CDC42BPA: variants seen among roughly 807,000 people sequenced by gnomAD.
The protein encoded by CDC42BPA is CDC42 binding protein kinase alpha, also known as serine/threonine-protein kinase MRCK alpha.
CDC42BPA carries 80 observed loss-of-function variants against 223.5 expected under a neutral mutation model. The observed-to-expected ratio is 0.36, with a 90% CI of 0.30 to 0.43. The LOEUF (loss-of-function observed/expected upper bound fraction) is 0.43. CDC42BPA is among the 20% of genes least tolerant of loss of function. CDC42BPA has a pLI of 1.00. For synonymous variants in CDC42BPA, 694 were observed against 718.6 expected (o/e 0.97, Z 0.55); for missense variants, 1,743 against 2,099.9 (o/e 0.83, Z 3.32).
At chr1:227,107,107 G>T (rs555315807) in intron 14 of CDC42BPA, among the ~76,000 whole-genome samples, 1 of 152,062 alleles carries the variant, frequency 6.6e-6, no homozygotes, top group East Asian at 1.9e-4. Context: ...ATTTTGATAG[G>T]GACTGAATTG....
intron 30 of CDC42BPA, among the ~76,000 whole-genome samples, chr1:227,027,815 T>C (rs752101352): frequency 3.9e-5 from 6 of 152,196 alleles, no homozygotes; most frequent in Non-Finnish European, 8.8e-5. Context: ...AAGTATTCTA[T>C]AATTAAAAGT....
intron 32 of CDC42BPA, 101 bp downstream of exon 32, chr1:227,023,162 A>C: frequency 1.6e-6 from 1 of 624,512 alleles, no homozygotes; most frequent in Non-Finnish European, 2.8e-6. Context: ...CCTGTGTTGA[A>C]ATCTGGACTC....
chr1:227,055,303 T>C (rs1024717512), intron 21 of CDC42BPA, among the ~76,000 whole-genome samples: 1 of 152,114 alleles, frequency 6.6e-6, no homozygotes, highest in African/African-American at 2.4e-5. Flanking sequence ...AAATCACTTA[T>C]TTTCTTTATT....
At position 226,993,026 on chromosome 1, in the gene CDC42BPA, T is replaced by A. The variant is rs1452657625; in HGVS notation, c.*1242A>T. 1 of 152,200 alleles carries A rather than the reference T, an allele frequency of 6.6e-6. No homozygotes were observed. Among genetic ancestry groups the A allele is most frequent in the African/African-American group, 2.4e-5 (1 of 41,452 alleles). 9.4% of individuals were successfully genotyped at this position (152,200 alleles called of 1,614,324 possible). ...TGTTGAAGCCCTTGCTTTTGAGGTT[T>A]TACATTATTTGGTAATGAAAGCCGT... On this transcript the variant is annotated 3_prime_UTR_variant, in exon 37 of 37. Coordinates refer to ENST00000366766, the MANE Select transcript of CDC42BPA (RefSeq NM_001394014.1).
chr1:227,273,149 T>G (rs1024840702), intron 1 of CDC42BPA, among the ~76,000 whole-genome samples: 1 of 151,882 alleles, frequency 6.6e-6, no homozygotes, highest in Admixed American at 6.6e-5. Context: ...AATACAAAAA[T>G]TAGCCAGGCA....
intron 1 of CDC42BPA, among the ~76,000 whole-genome samples, chr1:227,268,608 T>C (rs1403408333): frequency 7.4e-6 from 1 of 135,586 alleles, no homozygotes; most frequent in Non-Finnish European, 1.6e-5. Flanking sequence ...AGTGTGTGTA[T>C]AGTGTGTGTA....
At chr1:227,242,834 A>G (rs910105592) in intron 2 of CDC42BPA, among the ~76,000 whole-genome samples, 1 of 152,220 alleles carries the variant, frequency 6.6e-6, no homozygotes, top group Non-Finnish European at 1.5e-5. Flanking sequence ...TATATACCCA[A>G]AGGAATATAA....
rs56254464 is a variant in CDC42BPA, at chr1:227,036,421, C to CTT, written c.3200-816_3200-815dup. Among the ~76,000 whole-genome samples the CTT allele has an allele frequency of 6.1e-3, 436 of 71,146 alleles. 1 individual carries two copies. Among genetic ancestry groups the CTT allele is most frequent in the Non-Finnish European group, 7.0e-3 (274 of 39,192 alleles). 46.7% of individuals were successfully genotyped at this position (71,146 alleles called of 152,430 possible). Reference sequence around the variant, plus strand: ...AGTCATCACACACAACTTCAATTCACTTTTTTTTTTTTTTTTTTTTTTTTT... The same window carrying CTT: ...AGTCATCACACACAACTTCAATTCACTTTTTTTTTTTTTTTTTTTTTTTTTTT... On this transcript the variant is annotated intron_variant, in intron 24 of 36. Transcript: ENST00000366766.
chr1:227,224,235 C>CT (rs113833866), intron 2 of CDC42BPA, among the ~76,000 whole-genome samples: 1,776 of 141,852 alleles, frequency 0.013, 14 homozygotes, highest in Non-Finnish European at 0.018. Context: ...ATGTTTCTTC[C>CT]TTTTTTTTTT....
intron 17 of CDC42BPA, among the ~76,000 whole-genome samples, chr1:227,078,263 A>G (rs778169016): frequency 5.3e-5 from 8 of 152,134 alleles, no homozygotes; most frequent in African/African-American, 7.2e-5. Flanking sequence ...TCTCAACACT[A>G]CATTCTTATT....
chr1:227,186,829 G>A (rs1208816314), intron 5 of CDC42BPA, among the ~76,000 whole-genome samples: 1 of 152,144 alleles, frequency 6.6e-6, no homozygotes, highest in Non-Finnish European at 1.5e-5. Context: ...AAACCCAGGG[G>A]CAATTGTTTG....
At chr1:227,131,997 TA>T (rs1444388220) in intron 10 of CDC42BPA, among the ~76,000 whole-genome samples, 1 of 152,192 alleles carries the variant, frequency 6.6e-6, no homozygotes, top group Non-Finnish European at 1.5e-5. Context: ...AGGAGACTGC[TA>T]CAAGCATTTA....
intron 1 of CDC42BPA, among the ~76,000 whole-genome samples, chr1:227,285,286 T>C (rs933655896): frequency 7.2e-5 from 11 of 152,254 alleles, no homozygotes; most frequent in Non-Finnish European, 7.3e-5. Context: ...CTGAGTTAAC[T>C]GAGTCATAAT....
chr1:227,021,788 G>A (rs1450901173), intron 32 of CDC42BPA, among the ~76,000 whole-genome samples: 1 of 152,094 alleles, frequency 6.6e-6, no homozygotes. Flanking sequence ...GAGAGGCCAA[G>A]GTGGGTGGGA....
intron 19 of CDC42BPA, among the ~76,000 whole-genome samples, chr1:227,073,480 G>A (rs534229974): frequency 6.6e-6 from 1 of 152,120 alleles, no homozygotes; most frequent in Admixed American, 6.5e-5. Flanking sequence ...ACCTATGGTA[G>A]AGGCCACAAT....
chr1:227,194,286 C>A (rs1014744066), intron 4 of CDC42BPA, among the ~76,000 whole-genome samples: 1 of 151,964 alleles, frequency 6.6e-6, no homozygotes, highest in African/African-American at 2.4e-5. Flanking sequence ...CCCCCTCCCC[C>A]AAAAAAACAA....
chr1:227,119,783 T>C, intron 12 of CDC42BPA, 21 bp downstream of exon 12: 1 of 1,485,498 alleles, frequency 6.7e-7, no homozygotes, highest in Non-Finnish European at 9.1e-7. Flanking sequence ...AAAGCTTTAA[T>C]GATCTAGTCA....
intron 35 of CDC42BPA, among the ~76,000 whole-genome samples, chr1:226,996,059 G>A (rs1661534857): frequency 6.6e-6 from 1 of 152,208 alleles, no homozygotes. Context: ...GAGCCTGCCT[G>A]GGCAGACTCT....
intron 4 of CDC42BPA, among the ~76,000 whole-genome samples, chr1:227,194,453 T>C (rs548583413): frequency 1.3e-5 from 2 of 152,346 alleles, no homozygotes; most frequent in East Asian, 1.9e-4. Context: ...ACGTAGAATA[T>C]AGTAATTATC....
Sources: gnomAD v4.1 joint callset for allele counts (sites outside exome capture counted in the v4.1 genomes callset) on GRCh38, gnomAD v4.1.1 for gene constraint, MANE v1.5 for transcripts, NCBI Gene and HGNC (gene_info 2026-07-23, HGNC 2026-07-21) for gene names.